The following FAAP20 variants were observed in gnomAD, a reference collection of about 807,000 sequenced individuals.
FAAP20 encodes Fanconi anemia core complex-associated protein 20.
Under a neutral mutation model 16.2 loss-of-function variants are expected in FAAP20, and 12 were observed. The observed-to-expected ratio is 0.74, with a 90% confidence interval of 0.48 to 1.20. The LOEUF is 1.20. FAAP20 is among the 50% of genes most tolerant of loss of function. FAAP20 has a pLI of 0.00. For synonymous variants in FAAP20, 141 were observed against 110.7 expected (o/e 1.27, Z -1.72); for missense variants, 288 against 245.8 (o/e 1.17, Z -1.15).
chr1:2,191,819 C>T (rs764915874), intron 3 of FAAP20: 170 of 985,218 alleles, frequency 1.7e-4, no homozygotes, highest in Non-Finnish European at 2.0e-4. Flanking sequence ...TGGCTCTCAA[C>T]ATCCTCACCC....
downstream of FAAP20, among the ~76,000 whole-genome samples, chr1:2,189,228 G>A (rs1180733803): frequency 6.6e-6 from 1 of 151,060 alleles, no homozygotes; most frequent in Non-Finnish European, 1.5e-5. Context: ...AGCTATTCAG[G>A]AGGCTGAGGT....
At position 2,193,759 on chromosome 1, in the gene FAAP20, G is replaced by T. The variant is rs1406162149; in HGVS notation, c.350C>A (p.Ser117Tyr). ...AGGHLESPAR[S>Y]LPQRPAPDPC... ...ATCAGGTGCCGGGCGCTGGGGCAGG[G>T]ACCTGGCGGGGGATTCCAGGTGCCC... Residue 117 changes from serine (S) to tyrosine (Y), a missense_variant, in exon 3 of 4, where the codon TCC (serine) becomes TAC (tyrosine). Transcript: ENST00000378546. The T allele has an allele frequency of 1.9e-6, 3 of 1,593,448 alleles. No individual in the cohort carries two copies. The African/African-American group carries it at 4.1e-5, about 22-fold the overall frequency.
At chr1:2,208,822 G>A (rs6665593), downstream of FAAP20, among the ~76,000 whole-genome samples, 17,781 of 152,296 alleles carry the variant, frequency 0.12, 1,434 homozygotes, top group Non-Finnish European at 0.17. Context: ...CAGGCTAGGG[G>A]TGGGACTGGA....
At chr1:2,207,909 CGT>C (rs58549960), downstream of FAAP20, among the ~76,000 whole-genome samples, 1,531 of 145,794 alleles carry the variant, frequency 0.011, 15 homozygotes, top group Middle Eastern at 0.025. Flanking sequence ...TGGTAACACC[CGT>C]GTGTGTGTGT....
chr1:2,199,708 G>A (rs951033482), upstream of FAAP20: 97 of 884,982 alleles, frequency 1.1e-4, no homozygotes, highest in Non-Finnish European at 1.3e-4. This position sits in a 1 kb window ranked among gnomAD's most constrained non-coding sequence, Gnocchi z 4.5. Flanking sequence ...GGTCTGTGCC[G>A]ATATAATCAA....
chr1:2,189,556 C>A lies in FAAP20; in HGVS notation c.*153G>T. On this transcript the variant is annotated 3_prime_UTR_variant, in exon 4 of 4. Coordinates refer to ENST00000378546, the MANE Select transcript of FAAP20 (RefSeq NM_182533.4). ...AAGAAAAGCGGCAGACGTTTCATCA[C>A]AACACAGAGACAGACAGGAGCCCGC... is the stretch of plus-strand genomic sequence containing the variant. 1 of 675,854 alleles carries A rather than the reference C, an allele frequency of 1.5e-6. No individual in the cohort carries two copies. The highest frequency in any genetic ancestry group is 1.8e-5 in the African/African-American group (1 of 56,944). 41.9% of individuals were successfully genotyped at this position (675,854 alleles called of 1,614,324 possible). A position where few individuals can be genotyped will look rare whatever the true frequency, so the allele number is the denominator to read the frequency against.
chr1:2,211,785 A>G (rs1442044331), downstream of FAAP20, among the ~76,000 whole-genome samples: 2 of 136,466 alleles, frequency 1.5e-5, no homozygotes, highest in Non-Finnish European at 3.0e-5. Context: ...GGGTTTCATC[A>G]TGTTGGCCAG....
upstream of FAAP20, among the ~76,000 whole-genome samples, chr1:2,197,051 A>G (rs1688855778): frequency 6.6e-6 from 1 of 151,976 alleles, no homozygotes; most frequent in Non-Finnish European, 1.5e-5. Flanking sequence ...CCCTCCTGCC[A>G]TGGGACCGGC....
intron 3 of FAAP20, 29 bp from the exon 4 acceptor site, chr1:2,189,810 C>A (rs1177027189): frequency 6.4e-7 from 1 of 1,565,610 alleles, no homozygotes; most frequent in Non-Finnish European, 8.8e-7. Flanking sequence ...ACTCACTCGG[C>A]CACCTCCGCG....
downstream of FAAP20, among the ~76,000 whole-genome samples, chr1:2,187,777 C>T (rs185099949): frequency 1.8e-3 from 270 of 152,308 alleles, 1 homozygote; most frequent in African/African-American, 5.9e-3. Context: ...GTCGTCGCCC[C>T]ACGCCCAGAG....
chr1:2,195,967 G>A (rs1056318955), upstream of FAAP20, among the ~76,000 whole-genome samples: 4 of 152,176 alleles, frequency 2.6e-5, no homozygotes, highest in Non-Finnish European at 5.9e-5. Context: ...CGGGCAGGGG[G>A]AGGGGGCCTG....
chr1:2,185,256 G>A (rs915975725), downstream of FAAP20: 10 of 714,488 alleles, frequency 1.4e-5, 1 homozygote, highest in South Asian at 4.4e-5. Flanking sequence ...GCGGATCCGC[G>A]GGGACCCTGC....
chr1:2,189,446 A>C, downstream of FAAP20: 1 of 525,446 alleles, frequency 1.9e-6, no homozygotes, highest in Non-Finnish European at 3.5e-6. Context: ...TGGGGGCGCC[A>C]GGGGAAAGGG....
chr1:2,186,498 C>T (rs953954502), downstream of FAAP20, among the ~76,000 whole-genome samples: 1 of 145,066 alleles, frequency 6.9e-6, no homozygotes, highest in South Asian at 2.4e-4. Flanking sequence ...GGACACCCGC[C>T]CCCCCCCGGC....
At chr1:2,194,209 G>C in intron 1 of FAAP20, 76 bp from the exon 2 acceptor site, 1 of 1,568,772 alleles carries the variant, frequency 6.4e-7, no homozygotes. Context: ...GGGAGGGCCT[G>C]GGGCAGAGAG....
upstream of FAAP20, among the ~76,000 whole-genome samples, chr1:2,197,440 C>A (rs533646254): frequency 6.6e-6 from 1 of 152,234 alleles, no homozygotes; most frequent in African/African-American, 2.4e-5. Flanking sequence ...GCTCTCGCTG[C>A]GGGTGCCCCA....
chr1:2,208,219 G>A (rs1311996445), downstream of FAAP20, among the ~76,000 whole-genome samples: 1 of 152,042 alleles, frequency 6.6e-6, no homozygotes, highest in Non-Finnish European at 1.5e-5. Flanking sequence ...TTGGGAGCCC[G>A]GGGCCTTGGC....
In FAAP20 at chr1:2,189,592, TG is replaced by T. The variant is rs1465155974; in HGVS notation, c.*116del. ...CAGACAGGAGCCCGCCCTGCTTTAA[TG>T]CGCATGCGGGGGAGCCGAGAGGCGG... On this transcript the variant is annotated 3_prime_UTR_variant, in exon 4 of 4. Transcript: ENST00000378546. 4.9e-6 allele frequency: 4 copies of T among 818,944 alleles called. No homozygotes were observed. Among genetic ancestry groups the T allele is most frequent in the African/African-American group, 3.3e-5 (2 of 59,774 alleles). The allele number at this position is 818,944 out of a possible 1,614,324, so 50.7% of individuals were successfully genotyped here. A position where few individuals can be genotyped will look rare whatever the true frequency, so the allele number is the denominator to read the frequency against.
At chr1:2,197,903 C>T (rs1688887024), upstream of FAAP20, 7 of 1,182,150 alleles carry the variant, frequency 5.9e-6, no homozygotes, top group Non-Finnish European at 7.7e-6. Context: ...TCCCCTCCCG[C>T]CTGACAGCTT....
Sources: allele counts gnomAD v4.1 joint callset (sites outside exome capture counted in the v4.1 genomes callset), GRCh38; gene constraint gnomAD v4.1.1; non-coding constraint Gnocchi (gnomAD v3.1); transcripts MANE v1.5; gene names NCBI Gene and HGNC (gene_info 2026-07-23, HGNC 2026-07-21).